Variants in ANKS1B observed in about 807,000 individuals in gnomAD.
ANKS1B encodes ankyrin repeat and sterile alpha motif domain containing 1B, also known as ankyrin repeat and sterile alpha motif domain-containing protein 1B.
In ANKS1B, 36 loss-of-function variants were observed where a neutral mutation model predicts 148.3. The observed-to-expected ratio is 0.24, with a 90% CI of 0.19 to 0.32. The LOEUF (loss-of-function observed/expected upper bound fraction) is 0.32. Among genes scored for constraint, ANKS1B ranks in the 10% least tolerant of loss-of-function variants. The probability of loss-of-function intolerance (pLI) is 1.00; values close to 1 mark genes in which losing one functional copy is unlikely to be tolerated. For missense variants in ANKS1B, 1,157 were observed against 1,542.6 expected, an observed-to-expected ratio of 0.75 and a Z score of 4.19; for synonymous variants, 542 against 560.8, an observed-to-expected ratio of 0.97 and a Z score of 0.47.
In ANKS1B at chr12:99,323,812, A is replaced by G. The variant is rs181208494; in HGVS notation, c.1756+75819T>C. 3.9e-5 allele frequency among the ~76,000 whole-genome samples: 6 copies of G among 152,318 alleles called. No homozygotes were observed. In the East Asian group the frequency reaches 1.2e-3, roughly 29 times the overall value. On this transcript the variant is annotated intron_variant, in intron 12 of 26. Coordinates refer to ENST00000683438, the MANE Select transcript of ANKS1B (RefSeq NM_001352186.2). ...ATCAATATGTAGGTAAGAGGTAGGA[A>G]GGAAGGCTGAGAAGAACAGACTAGA...
chr12:99,865,683 T>C (rs1210952128), intron 1 of ANKS1B, among the ~76,000 whole-genome samples: 1 of 152,090 alleles, frequency 6.6e-6, no homozygotes, highest in Non-Finnish European at 1.5e-5. Flanking sequence ...TACTTAATAG[T>C]AGGAGGAAAA....
chr12:99,336,917 G>A (rs1272475834), intron 12 of ANKS1B, among the ~76,000 whole-genome samples: 1 of 151,938 alleles, frequency 6.6e-6, no homozygotes, highest in East Asian at 1.9e-4. Context: ...CTTTTCTCTT[G>A]CTGCTTTCAG....
intron 16 of ANKS1B, among the ~76,000 whole-genome samples, chr12:99,082,945 A>G (rs2050328943): frequency 6.6e-6 from 1 of 152,126 alleles, no homozygotes. Context: ...TGAAAGTGAG[A>G]ACAACAAAAC....
chr12:98,739,779 T>C (rs185462577), downstream of ANKS1B, among the ~76,000 whole-genome samples: 9 of 152,258 alleles, frequency 5.9e-5, no homozygotes, highest in Admixed American at 3.9e-4. Context: ...GAATCTGATA[T>C]AGATCTCAAT....
intron 9 of ANKS1B, among the ~76,000 whole-genome samples, chr12:99,532,853 G>A (rs1397526874): frequency 6.6e-6 from 1 of 152,042 alleles, no homozygotes; most frequent in Non-Finnish European, 1.5e-5. Context: ...CTTTGTTTCT[G>A]GGTTCTCAAT....
At chr12:99,884,690 G>A (rs1437402782) in intron 1 of ANKS1B, among the ~76,000 whole-genome samples, 1 of 151,892 alleles carries the variant, frequency 6.6e-6, no homozygotes, top group African/African-American at 2.4e-5. Context: ...TCTGGAAAAA[G>A]CAAAAAAACA....
Position 98,822,924 on chromosome 12 carries a change from C to T in ANKS1B, c.3066+6250G>A, listed in dbSNP as rs1042988449. On this transcript the variant is annotated intron_variant, in intron 19 of 26. Coordinates refer to ENST00000683438, the MANE Select transcript of ANKS1B (RefSeq NM_001352186.2). ...AGTACAGTATTCACAAGACACTAAT[C>T]ATATTGACATTAGTGTTGCCCAAAA... 1.2e-4 allele frequency among the ~76,000 whole-genome samples: 19 copies of T among 152,222 alleles called. 1 individual carries two copies. The highest frequency in any genetic ancestry group is 4.6e-4 in the African/African-American group (19 of 41,458).
intron 25 of ANKS1B, among the ~76,000 whole-genome samples, chr12:98,755,405 A>G (rs1213779111): frequency 6.6e-6 from 1 of 152,216 alleles, no homozygotes; most frequent in Non-Finnish European, 1.5e-5. Flanking sequence ...TGAAAGCCCA[A>G]CTGTCTCTGC....
intron 9 of ANKS1B, among the ~76,000 whole-genome samples, chr12:99,648,947 G>A (rs2153433073): frequency 6.6e-6 from 1 of 152,306 alleles, no homozygotes; most frequent in African/African-American, 2.4e-5. Flanking sequence ...ATGGTACATT[G>A]AGGAGGTTCC....
intron 10 of ANKS1B, among the ~76,000 whole-genome samples, chr12:99,450,138 A>T (rs1026322181): frequency 5.9e-5 from 9 of 152,168 alleles, no homozygotes; most frequent in Admixed American, 4.6e-4. Context: ...CGAAGTCAAG[A>T]GCCAACATTT....
At chr12:99,319,096 T>C (rs1239554772) in intron 12 of ANKS1B, among the ~76,000 whole-genome samples, 2 of 152,214 alleles carry the variant, frequency 1.3e-5, no homozygotes, top group African/African-American at 4.8e-5. Flanking sequence ...CTTCCAACTA[T>C]GTGGTCAATT....
intron 1 of ANKS1B, among the ~76,000 whole-genome samples, chr12:99,918,774 T>G (rs372382621): frequency 1.3e-5 from 2 of 152,344 alleles, no homozygotes; most frequent in Admixed American, 6.5e-5. Context: ...TATAGTTTTT[T>G]ATTATTTTAA....
intron 15 of ANKS1B, among the ~76,000 whole-genome samples, chr12:99,102,685 A>C (rs1324691394): frequency 6.6e-6 from 1 of 152,206 alleles, no homozygotes; most frequent in African/African-American, 2.4e-5. Flanking sequence ...CAGAGGTTGC[A>C]GTAAACTGTG....
intron 17 of ANKS1B, among the ~76,000 whole-genome samples, chr12:98,844,790 T>C (rs1399221611): frequency 6.6e-6 from 1 of 152,206 alleles, no homozygotes; most frequent in Non-Finnish European, 1.5e-5. Context: ...CTATTCAATA[T>C]TTTTATTAAT....
At chr12:99,915,893 T>C (rs1466960441) in intron 1 of ANKS1B, among the ~76,000 whole-genome samples, 1 of 152,176 alleles carries the variant, frequency 6.6e-6, no homozygotes, top group Non-Finnish European at 1.5e-5. Flanking sequence ...GTTGCGTTCA[T>C]TAACTTATAG....
chr12:99,237,229 G>C (rs968460226), intron 14 of ANKS1B, among the ~76,000 whole-genome samples: 7 of 152,058 alleles, frequency 4.6e-5, no homozygotes, highest in Non-Finnish European at 8.8e-5. Flanking sequence ...CTGTGTGTTT[G>C]TCACAAAATT....
chr12:99,868,847 C>T (rs973466064), intron 1 of ANKS1B, among the ~76,000 whole-genome samples: 1 of 152,012 alleles, frequency 6.6e-6, no homozygotes, highest in Non-Finnish European at 1.5e-5. Flanking sequence ...CATTTGAGAT[C>T]AGGAGTTCGA....
intron 17 of ANKS1B, chr12:98,949,763 A>G (rs1217507565): frequency 6.6e-6 from 1 of 152,216 alleles, no homozygotes; most frequent in Non-Finnish European, 1.5e-5. Flanking sequence ...AGAGATGGTG[A>G]AAGAATCAAC....
intron 2 of ANKS1B, 60 bp from the exon 3 acceptor site, chr12:99,812,371 G>A: frequency 6.7e-7 from 1 of 1,496,468 alleles, no homozygotes; most frequent in African/African-American, 1.4e-5. Context: ...GTATTAAATA[G>A]GTAATTTTAA....
Sources: allele counts gnomAD v4.1 joint callset (sites outside exome capture counted in the v4.1 genomes callset), GRCh38; gene constraint gnomAD v4.1.1; transcripts MANE v1.5; gene names NCBI Gene and HGNC (gene_info 2026-07-23, HGNC 2026-07-21).